The following DCC variants were observed in gnomAD, a reference collection of about 807,000 sequenced individuals.
DCC encodes the protein netrin receptor DCC.
Under a neutral mutation model 172.5 loss-of-function variants are expected in DCC, and 58 were observed. The ratio of observed to expected loss-of-function variants is 0.34; its 90% CI spans 0.27 to 0.42. The LOEUF (loss-of-function observed/expected upper bound fraction) is 0.42. DCC is among the 10% of genes least tolerant of loss of function. DCC has a pLI of 1.00. For synonymous variants in DCC, 709 were observed against 644.5 expected (o/e 1.10, Z -1.52); for missense variants, 1,740 against 1,791.0 (o/e 0.97, Z 0.51).
At position 52,749,475 on chromosome 18, in the gene DCC, A is replaced by G. The variant is rs548346246; in HGVS notation, c.92-2579A>G. Reference sequence around the variant, plus strand: ...TACTATTTCTCAATTAACTTGATTCACCAGGATCCATCTTTTCTATAAAAC... The same window carrying G: ...TACTATTTCTCAATTAACTTGATTCGCCAGGATCCATCTTTTCTATAAAAC... On this transcript the variant is annotated intron_variant, in intron 1 of 28. Coordinates refer to ENST00000442544, the MANE Select transcript of DCC (RefSeq NM_005215.4). Among the ~76,000 whole-genome samples the G allele has an allele frequency of 2.0e-5, 3 of 152,240 alleles. No homozygotes were observed. The South Asian group carries it at 6.2e-4, about 31-fold the overall frequency.
chr18:53,300,909 C>T (rs1231946205), intron 12 of DCC, among the ~76,000 whole-genome samples: 4 of 126,028 alleles, frequency 3.2e-5, no homozygotes, highest in African/African-American at 1.1e-4. Context: ...ATGACTGAAG[C>T]AGGGACAGGG....
At position 52,875,244 on chromosome 18, in the gene DCC, G is replaced by GA. The variant is rs2039386097; in HGVS notation, c.413-30794dup. 2.0e-5 allele frequency among the ~76,000 whole-genome samples: 3 copies of GA among 148,080 alleles called. No homozygotes were observed. The South Asian group carries it at 6.5e-4, about 32-fold the overall frequency. On this transcript the variant is annotated intron_variant, in intron 2 of 28. Transcript: ENST00000442544. ...AACAGCGAAACTTTTTTTTTTTTCT[G>GA]AAAAAAGGCTACTGGCTGTTATTTC...
intron 1 of DCC, among the ~76,000 whole-genome samples, chr18:52,718,834 G>A (rs2036429998): frequency 6.6e-6 from 1 of 152,166 alleles, no homozygotes; most frequent in African/African-American, 2.4e-5. Flanking sequence ...GTGAAGGCAA[G>A]TCCTAAAGGT....
At chr18:52,448,069 C>T (rs1282716745) in intron 1 of DCC, among the ~76,000 whole-genome samples, 1 of 152,106 alleles carries the variant, frequency 6.6e-6, no homozygotes, top group African/African-American at 2.4e-5. Flanking sequence ...GGTCTGTGGC[C>T]TGTTAGGAAC....
chr18:53,198,451 C>G (rs191420045), intron 9 of DCC, among the ~76,000 whole-genome samples: 13 of 151,672 alleles, frequency 8.6e-5, no homozygotes, highest in Admixed American at 3.3e-4. Context: ...CTCTCTCTCT[C>G]TCTCACACAC....
In DCC at chr18:53,172,619, A is replaced by C. The variant is rs143201408; in HGVS notation, c.1419-6343A>C. Among the ~76,000 whole-genome samples, 449 of 148,770 alleles carry C rather than the reference A, an allele frequency of 3.0e-3. 3 individuals are homozygous for C. The highest frequency in any genetic ancestry group is 0.011 in the African/African-American group (440 of 40,912). On this transcript the variant is annotated intron_variant, in intron 8 of 28. Transcript: ENST00000442544. ...AGCTGTCCTTCCTTATACATACCCA[A>C]GGTGTTTGATAGGCAAATATGGCCT...
chr18:52,514,654 G>A (rs933438277), intron 1 of DCC, among the ~76,000 whole-genome samples: 4 of 152,062 alleles, frequency 2.6e-5, no homozygotes, highest in Non-Finnish European at 5.9e-5. Flanking sequence ...TTATCAAATG[G>A]GTATGTTATC....
At chr18:53,349,764 A>G (rs1320740600) in intron 15 of DCC, among the ~76,000 whole-genome samples, 1 of 152,188 alleles carries the variant, frequency 6.6e-6, no homozygotes, top group Non-Finnish European at 1.5e-5. Flanking sequence ...CACTATCACG[A>G]GAGCAATGCA....
rs374453969 is a variant in DCC, at chr18:53,086,250, TTTC to T, written c.1261+20106_1261+20108del. On this transcript the variant is annotated intron_variant, in intron 7 of 28. Coordinates refer to ENST00000442544, the MANE Select transcript of DCC (RefSeq NM_005215.4). Reference sequence around the variant, plus strand: ...CTTCCGTTCTTCTTCTTCTTCTTCCTTTCTTCTTCTTCTTCTTCTTCTTCCTTT... The same window carrying T: ...CTTCCGTTCTTCTTCTTCTTCTTCCTTTCTTCTTCTTCTTCTTCTTCCTTT... Among the ~76,000 whole-genome samples, 131 of 50,688 alleles carry T rather than the reference TTTC, an allele frequency of 2.6e-3. 39 individuals carry two copies. Among genetic ancestry groups the T allele is most frequent in the African/African-American group, 8.3e-3 (34 of 4,106 alleles). 33.3% of individuals were successfully genotyped at this position (50,688 alleles called of 152,430 possible). A position where few individuals can be genotyped will look rare whatever the true frequency, so the allele number is the denominator to read the frequency against.
chr18:52,627,426 A>T (rs1568262779), intron 1 of DCC, among the ~76,000 whole-genome samples: 1 of 152,204 alleles, frequency 6.6e-6, no homozygotes, highest in Admixed American at 6.5e-5. Context: ...ACTGCCTTCA[A>T]GTTGCAGACA....
chr18:52,478,118 A>T (rs540626203), intron 1 of DCC, among the ~76,000 whole-genome samples: 1 of 152,092 alleles, frequency 6.6e-6, no homozygotes, highest in Non-Finnish European at 1.5e-5. Context: ...TCCCTGGTCT[A>T]TATGTATATC....
chr18:53,271,675 T>C (rs1321281325), intron 12 of DCC, among the ~76,000 whole-genome samples: 3 of 152,154 alleles, frequency 2.0e-5, no homozygotes, highest in African/African-American at 7.2e-5. Flanking sequence ...AGCCGGAAGC[T>C]ATCTTTTGTG....
chr18:53,251,117 T>G (rs1432006165), intron 12 of DCC, among the ~76,000 whole-genome samples: 2 of 151,946 alleles, frequency 1.3e-5, no homozygotes, highest in Non-Finnish European at 2.9e-5. Context: ...ATCTCTAGTC[T>G]TATTCCCTGA....
chr18:53,302,080 A>G (rs942958976), intron 12 of DCC, among the ~76,000 whole-genome samples: 3 of 152,282 alleles, frequency 2.0e-5, no homozygotes, highest in Non-Finnish European at 4.4e-5. Flanking sequence ...TTCTCTGTGC[A>G]TATCTGTGTC....
At chr18:52,971,393 G>A (rs1817373433) in intron 5 of DCC, among the ~76,000 whole-genome samples, 1 of 152,110 alleles carries the variant, frequency 6.6e-6, no homozygotes, top group South Asian at 2.1e-4. Context: ...ACTCTAGTTA[G>A]TAGAATTGGC....
chr18:53,359,664 G>A (rs1458030803), intron 15 of DCC, among the ~76,000 whole-genome samples: 1 of 152,092 alleles, frequency 6.6e-6, no homozygotes, highest in Non-Finnish European at 1.5e-5. Context: ...TAAAGAATGA[G>A]CCATGAAAAG....
At chr18:52,723,593 C>A (rs925913587) in intron 1 of DCC, among the ~76,000 whole-genome samples, 1 of 152,162 alleles carries the variant, frequency 6.6e-6, no homozygotes, top group African/African-American at 2.4e-5. Flanking sequence ...GAGGGTGAGG[C>A]TTGGCTGTGG....
chr18:52,395,559 T>C (rs1486215247), intron 1 of DCC, among the ~76,000 whole-genome samples: 1 of 152,020 alleles, frequency 6.6e-6, no homozygotes, highest in African/African-American at 2.4e-5. Context: ...AGGAGAAGAT[T>C]TATCAGTTGG....
chr18:52,506,927 A>C (rs1026828701), intron 1 of DCC, among the ~76,000 whole-genome samples: 5 of 152,162 alleles, frequency 3.3e-5, no homozygotes, highest in South Asian at 2.1e-4. Context: ...TATTTTAAAT[A>C]ATCGTATTTA....
Sources: allele counts gnomAD v4.1 joint callset (sites outside exome capture counted in the v4.1 genomes callset), GRCh38; gene constraint gnomAD v4.1.1; transcripts MANE v1.5; gene names NCBI Gene and HGNC (gene_info 2026-07-23, HGNC 2026-07-21).